The following CEP126 variants were observed in gnomAD, a reference collection of about 807,000 sequenced individuals.
CEP126 encodes the protein centrosomal protein of 126 kDa.
CEP126 carries 74 observed loss-of-function variants against 107.8 expected under a neutral mutation model. The ratio of observed to expected loss-of-function variants is 0.69; its 90% confidence interval spans 0.57 to 0.83. The LOEUF is 0.83. CEP126 is among the 40% of genes least tolerant of loss of function. The pLI is 0.00. For synonymous variants in CEP126, 449 were observed against 446.0 expected (o/e 1.01, Z -0.08); for missense variants, 1,237 against 1,281.9 (o/e 0.96, Z 0.53).
chr11:101,956,344 A>G (rs768102472), intron 4 of CEP126: 1 of 455,460 alleles, frequency 2.2e-6, no homozygotes, highest in Non-Finnish European at 4.4e-6. Flanking sequence ...CCCCTTATCC[A>G]CCAGTCCCCA....
In CEP126 at chr11:101,948,063, G is replaced by A. The variant is rs1188610726; in HGVS notation, c.427G>A (p.Ala143Thr). The A allele has an allele frequency of 2.5e-6, 4 of 1,611,410 alleles. No homozygotes were observed. The highest frequency in any genetic ancestry group is 3.4e-6 in the Non-Finnish European group (4 of 1,178,252). Reference protein sequence around the residue: ...SRKPVPPLEEALKQIQESNLK... With the variant: ...SRKPVPPLEETLKQIQESNLK... Reference sequence around the variant, plus strand: ...AAAACCAGTTCCTCCATTAGAAGAGGCCCTCAAACAAATTCAGGAATCCAA... The same window carrying A: ...AAAACCAGTTCCTCCATTAGAAGAGACCCTCAAACAAATTCAGGAATCCAA... The change falls in exon 4 of 11, where the codon GCC becomes ACC. Residue 143 changes from alanine (A) to threonine (T), a missense_variant. This residue lies in a region of CEP126 where 1,134 missense variants were observed against 1,150.5 expected (regional missense o/e 0.99). Coordinates refer to ENST00000263468, the MANE Select transcript of CEP126 (RefSeq NM_020802.4).
chr11:101,926,805 T>C (rs1285304146), intron 2 of CEP126, among the ~76,000 whole-genome samples: 1 of 152,246 alleles, frequency 6.6e-6, no homozygotes, highest in Non-Finnish European at 1.5e-5. Context: ...ATCTTTCATA[T>C]AGTTTATGAT....
At chr11:101,937,703 T>C (rs1439233354) in intron 2 of CEP126, among the ~76,000 whole-genome samples, 1 of 152,204 alleles carries the variant, frequency 6.6e-6, no homozygotes, top group African/African-American at 2.4e-5. Flanking sequence ...GTATGATTGT[T>C]GTTTCTCTTT....
intron 1 of CEP126, among the ~76,000 whole-genome samples, chr11:101,921,726 CTG>C (rs1940329410): frequency 8.2e-6 from 1 of 122,682 alleles, no homozygotes; most frequent in South Asian, 3.0e-4. Flanking sequence ...AAAAAAAAAA[CTG>C]TGTAATGAAT....
At chr11:101,968,334 TATATATCTTC>T (rs1242683266) in intron 6 of CEP126, among the ~76,000 whole-genome samples, 1 of 152,244 alleles carries the variant, frequency 6.6e-6, no homozygotes, top group East Asian at 1.9e-4. Flanking sequence ...ATCTCAACTC[TATATATCTTC>T]ATGCTTGTTT....
chr11:101,979,685 C>CACAG, intron 7 of CEP126, among the ~76,000 whole-genome samples: 1 of 152,256 alleles, frequency 6.6e-6, no homozygotes, highest in South Asian at 2.1e-4. Context: ...CTGCAGTAAG[C>CACAG]TATGACTGTG....
At chr11:101,937,970 G>T (rs984712690) in intron 2 of CEP126, among the ~76,000 whole-genome samples, 6 of 150,978 alleles carry the variant, frequency 4.0e-5, no homozygotes, top group African/African-American at 1.5e-4. Context: ...TGGCTAACAA[G>T]GTGAAACCCC....
At chr11:101,921,095 A>G (rs1940319206) in intron 1 of CEP126, among the ~76,000 whole-genome samples, 1 of 152,202 alleles carries the variant, frequency 6.6e-6, no homozygotes, top group Non-Finnish European at 1.5e-5. Flanking sequence ...ATTTCAAGTG[A>G]ATAGATGATT....
At position 101,964,490 on chromosome 11, in the gene CEP126, G is replaced by A. The variant is rs537044309; in HGVS notation, c.2845+610G>A. ...CTCTACAAAAATACAAAAATTAGCC[G>A]GGCATGGTGGCGCGTGCCTGTAATC... On this transcript the variant is annotated intron_variant, in intron 6 of 10. Coordinates refer to ENST00000263468, the MANE Select transcript of CEP126 (RefSeq NM_020802.4). 1.1e-3 allele frequency among the ~76,000 whole-genome samples: 172 copies of A among 151,028 alleles called. 1 individual carries two copies. The highest frequency in any genetic ancestry group is 4.1e-3 in the African/African-American group (167 of 41,156).
intron 2 of CEP126, among the ~76,000 whole-genome samples, chr11:101,924,160 C>T (rs534726416): frequency 1.3e-5 from 2 of 152,150 alleles, no homozygotes; most frequent in South Asian, 2.1e-4. Context: ...GGACATTTTC[C>T]AATACAATAT....
intron 2 of CEP126, among the ~76,000 whole-genome samples, chr11:101,936,940 T>C (rs540632896): frequency 2.0e-5 from 3 of 152,308 alleles, no homozygotes; most frequent in Non-Finnish European, 2.9e-5. Context: ...TAATACAGAT[T>C]GAGTGCTCAT....
chr11:101,997,862 T>C lies in CEP126; in HGVS notation c.*219T>C. The C allele has an allele frequency of 1.8e-6, 1 of 554,272 alleles. No individual in the cohort carries two copies. Among genetic ancestry groups the C allele is most frequent in the Non-Finnish European group, 3.1e-6 (1 of 319,660 alleles). The allele number at this position is 554,272 out of a possible 1,614,324, so 34.3% of individuals were successfully genotyped here. A position where few individuals can be genotyped will look rare whatever the true frequency, so the allele number is the denominator to read the frequency against. The stretch of plus-strand genomic sequence containing the variant: ...TCTGAGAATACCATGAAAGACATTA[T>C]GCCTGCCTAAACAAAAAGCAGGACA... On this transcript the variant is annotated 3_prime_UTR_variant, in exon 11 of 11. Coordinates refer to ENST00000263468, the MANE Select transcript of CEP126 (RefSeq NM_020802.4).
At position 101,987,042 on chromosome 11, in the gene CEP126, G is replaced by C; in HGVS notation, c.3244+1G>C. The C allele has an allele frequency of 6.4e-7, 1 of 1,572,308 alleles. No individual in the cohort carries two copies. The highest frequency in any genetic ancestry group is 8.7e-7 in the Non-Finnish European group (1 of 1,143,542). ...AATGATCTCAGTGAAAGACTACATT[G>C]TAAGTATGGAAGAACACCTTTTATA... On this transcript the variant is annotated splice_donor_variant, in intron 9 of 10. Transcript: ENST00000263468. LOFTEE classifies it high-confidence loss of function.
At chr11:101,972,912 G>T (rs1475711054) in intron 6 of CEP126, among the ~76,000 whole-genome samples, 1 of 152,256 alleles carries the variant, frequency 6.6e-6, no homozygotes, top group Admixed American at 6.5e-5. Context: ...TTCTATAAAT[G>T]GAATTATTTT....
rs148913485 is a variant in CEP126, at chr11:101,915,309, C to T, written c.25C>T (p.Arg9Trp). The T allele has an allele frequency of 1.2e-6, 2 of 1,613,572 alleles. No individual in the cohort carries two copies. The highest frequency in any genetic ancestry group is 2.7e-5 in the African/African-American group (2 of 74,914). Residue 9 changes from arginine (R) to tryptophan (W), a missense_variant, in exon 1 of 11, where the codon CGG (arginine) becomes TGG (tryptophan). Arg to Trp is a moderately radical substitution (Grantham distance 101). Coordinates refer to ENST00000263468, the MANE Select transcript of CEP126 (RefSeq NM_020802.4). MLAGRPGT[R>W]SAVGELGTES... ...GATGCTGGCGGGGAGGCCCGGAACC[C>T]GGAGCGCGGTCGGGGAACTGGGCAC...
chr11:101,942,580 T>G (rs1200129810), intron 2 of CEP126, among the ~76,000 whole-genome samples: 2 of 148,196 alleles, frequency 1.3e-5, no homozygotes, highest in Non-Finnish European at 3.0e-5. Context: ...TTTTTTTCAG[T>G]ATTATTTTGG....
intron 4 of CEP126, 149 bp downstream of exon 4, chr11:101,948,291 G>T: frequency 2.2e-6 from 1 of 458,738 alleles, no homozygotes; most frequent in South Asian, 5.4e-5. Flanking sequence ...AGGTAGAATA[G>T]AATGAAAATT....
At position 101,963,511 on chromosome 11, in the gene CEP126, C is replaced by T. The variant is rs181090625; in HGVS notation, c.2476C>T (p.Pro826Ser). 5 of 1,613,950 alleles carry T rather than the reference C, an allele frequency of 3.1e-6. No homozygotes were observed. In the Admixed American group the frequency reaches 6.7e-5, roughly 22 times the overall value. The change falls in exon 6 of 11, where the codon CCT becomes TCT. Residue 826 changes from proline to serine, a missense_variant. Around this residue, in one of 3 missense-constraint regions of CEP126, gnomAD observed 1,134 missense variants for 1,150.5 expected, o/e 0.99. Coordinates refer to ENST00000263468, the MANE Select transcript of CEP126 (RefSeq NM_020802.4). ...AGTGTCTCAGTGTCAACCAGTAACT[C>T]CTGAAAATCCTCAAAACATTATTAC... ...IQVSQCQPVT[P>S]ENPQNIITHN...
chr11:101,935,615 T>C lies in CEP126; in HGVS notation c.249-8650T>C, dbSNP rs190090222. Among the ~76,000 whole-genome samples, 678 of 152,272 alleles carry C rather than the reference T, an allele frequency of 4.5e-3. 5 individuals are homozygous for C. Among genetic ancestry groups the C allele is most frequent in the African/African-American group, 0.016 (654 of 41,580 alleles). ...TTCACCATTCAGTGGTCTTGATGCC[T>C]TTTTTGAAAATCAATTGAGGGTCTA... On this transcript the variant is annotated intron_variant, in intron 2 of 10. Transcript: ENST00000263468.
Sources: allele counts gnomAD v4.1 joint callset (sites outside exome capture counted in the v4.1 genomes callset), GRCh38; gene constraint gnomAD v4.1.1; regional missense constraint gnomAD v4.1.1; transcripts MANE v1.5; gene names NCBI Gene and HGNC (gene_info 2026-07-23, HGNC 2026-07-21).